The following GRIP1 variants were observed in gnomAD, a reference collection of about 807,000 sequenced individuals.
The protein encoded by GRIP1 is glutamate receptor-interacting protein 1.
In GRIP1, 45 loss-of-function variants were observed where a neutral mutation model predicts 129.9. The observed-to-expected ratio is 0.35, with a 90% CI of 0.27 to 0.44. GRIP1 has a LOEUF of 0.44. Ranked by LOEUF, GRIP1 falls within the 20% of genes least tolerant of loss-of-function variation. GRIP1 has a pLI of 1.00. For synonymous variants in GRIP1, 530 were observed against 520.8 expected (o/e 1.02, Z -0.24); for missense variants, 1,196 against 1,396.8 (o/e 0.86, Z 2.29).
chr12:66,741,184 CT>C (rs983882086), intron 1 of GRIP1, among the ~76,000 whole-genome samples: 3 of 152,084 alleles, frequency 2.0e-5, no homozygotes, highest in African/African-American at 7.2e-5. Flanking sequence ...CTCCTAAGTG[CT>C]TTTTGTATAG....
At chr12:66,509,587 T>C (rs191153456) in intron 7 of GRIP1, among the ~76,000 whole-genome samples, 1 of 152,298 alleles carries the variant, frequency 6.6e-6, no homozygotes, top group East Asian at 1.9e-4. Context: ...GAAAATGTGA[T>C]ACATATACAC....
In GRIP1 at chr12:66,960,593, T is replaced by C. The variant is rs73315218; in HGVS notation, c.58+108457A>G. 3.8e-3 allele frequency among the ~76,000 whole-genome samples: 580 copies of C among 152,160 alleles called. 5 individuals carry two copies. The highest frequency in any genetic ancestry group is 0.013 in the African/African-American group (560 of 41,510). On this transcript the variant is annotated intron_variant, in intron 1 of 1. Coordinates refer to the GRIP1 transcript ENST00000643019. The stretch of plus-strand genomic sequence containing the variant: ...ATATAGGTCATAATTAATTCAAAGA[T>C]TGTGGATGGGATTGCTTAGGGAAGG...
intron 19 of GRIP1, among the ~76,000 whole-genome samples, chr12:66,385,150 C>T (rs2056298714): frequency 6.6e-6 from 1 of 152,100 alleles, no homozygotes; most frequent in Non-Finnish European, 1.5e-5. Context: ...ATGAAATACA[C>T]ATATAATATT....
intron 1 of GRIP1, among the ~76,000 whole-genome samples, chr12:66,997,668 T>C (rs1433599740): frequency 1.3e-5 from 2 of 152,132 alleles, no homozygotes; most frequent in Admixed American, 1.3e-4. Context: ...TGGATATTGT[T>C]GACGCAGAAA....
chr12:67,069,222 G>T, upstream of GRIP1: 1 of 544,984 alleles, frequency 1.8e-6, no homozygotes, highest in Non-Finnish European at 2.3e-6. Context: ...GGGCTGTTCA[G>T]CGGGGCTGGG....
At chr12:66,542,397 A>G (rs553414570) in intron 2 of GRIP1, among the ~76,000 whole-genome samples, 3 of 152,344 alleles carry the variant, frequency 2.0e-5, no homozygotes, top group Admixed American at 6.5e-5. Flanking sequence ...TAGGAAGCCA[A>G]CTGAAAGGAG....
chr12:66,510,326 T>C (rs1390829439), intron 7 of GRIP1, among the ~76,000 whole-genome samples: 1 of 152,174 alleles, frequency 6.6e-6, no homozygotes, highest in African/African-American at 2.4e-5. Flanking sequence ...GGTTAACTAC[T>C]GGATGGTCTC....
chr12:66,714,492 T>G (rs1438527612), intron 1 of GRIP1, among the ~76,000 whole-genome samples: 1 of 152,096 alleles, frequency 6.6e-6, no homozygotes, highest in Non-Finnish European at 1.5e-5. Context: ...AGAATCTATT[T>G]AAAATAAATA....
At position 66,392,263 on chromosome 12, in the gene GRIP1, G is replaced by C. The variant is rs776280921; in HGVS notation, c.2464+45C>G. On this transcript the variant is annotated intron_variant, in intron 19 of 24. Coordinates refer to ENST00000359742, the MANE Select transcript of GRIP1 (RefSeq NM_001366722.1). ...GAGGATGAATCTTGGAGAAGCATGGGCTTCAACAATGACAAGTCCTCTGGG... is the reference window on the plus strand; with the variant it reads ...GAGGATGAATCTTGGAGAAGCATGGCCTTCAACAATGACAAGTCCTCTGGG... The C allele has an allele frequency of 2.7e-6, 3 of 1,121,074 alleles. No homozygotes were observed. In the South Asian group the frequency reaches 3.7e-5, roughly 14 times the overall value. The allele number at this position is 1,121,074 out of a possible 1,614,324, so 69.4% of individuals were successfully genotyped here. A position where few individuals can be genotyped will look rare whatever the true frequency, so the allele number is the denominator to read the frequency against.
At chr12:66,891,484 GCAC>G (rs2040657272) in intron 1 of GRIP1, among the ~76,000 whole-genome samples, 1 of 152,162 alleles carries the variant, frequency 6.6e-6, no homozygotes, top group African/African-American at 2.4e-5. Context: ...TCTGAAGGTT[GCAC>G]CAGAAGGATG....
chr12:66,723,240 C>T (rs929693442), intron 1 of GRIP1, among the ~76,000 whole-genome samples: 74 of 4,824 alleles, frequency 0.015, 3 homozygotes, highest in Middle Eastern at 0.11. Flanking sequence ...CTCTCTCTCT[C>T]TTCCTTCCTT....
chr12:67,069,083 G>A (rs2043689529), exon 1 of GRIP1: 1 of 984,668 alleles, frequency 1.0e-6, no homozygotes. Flanking sequence ...AAGCAGATAG[G>A]GATATTCTTC....
chr12:66,702,410 T>G (rs1027274456), intron 1 of GRIP1, among the ~76,000 whole-genome samples: 1 of 152,194 alleles, frequency 6.6e-6, no homozygotes, highest in African/African-American at 2.4e-5. Context: ...TTGACAGTTT[T>G]CAGTCAGTTT....
intron 7 of GRIP1, among the ~76,000 whole-genome samples, chr12:66,475,817 G>A (rs1333335238): frequency 1.3e-5 from 2 of 152,118 alleles, no homozygotes; most frequent in Admixed American, 1.3e-4. Flanking sequence ...TCTCTGGGAT[G>A]CATTTAAAGC....
Position 67,029,925 on chromosome 12 carries a change from C to T in GRIP1, c.58+39125G>A, listed in dbSNP as rs139989098. Among the ~76,000 whole-genome samples, 1,249 of 151,712 alleles carry T rather than the reference C, an allele frequency of 8.2e-3. 18 individuals carry two copies. The highest frequency in any genetic ancestry group is 0.029 in the African/African-American group (1,184 of 41,354). On this transcript the variant is annotated intron_variant, in intron 1 of 1. Coordinates refer to the GRIP1 transcript ENST00000643019. ...ATAATATTAAAAAAAATCGGCCTGG[C>T]GCGGTGGCTCACGCCTGTAATCCCA...
In GRIP1 at chr12:66,542,656, T is replaced by C. The variant is rs536697689; in HGVS notation, c.137-706A>G. On this transcript the variant is annotated intron_variant, in intron 2 of 24. Coordinates refer to ENST00000359742, the MANE Select transcript of GRIP1 (RefSeq NM_001366722.1). ...TCTATATAGCAAGATAGAACTCAACTCTTTTGATTTTAGTCAGAGCAGAAG... is the reference window on the plus strand; with the variant it reads ...TCTATATAGCAAGATAGAACTCAACCCTTTTGATTTTAGTCAGAGCAGAAG... Among the ~76,000 whole-genome samples the C allele has an allele frequency of 3.5e-4, 53 of 152,312 alleles. 1 individual carries two copies. The highest frequency in any genetic ancestry group is 4.1e-4 in the South Asian group (2 of 4,822).
intron 1 of GRIP1, among the ~76,000 whole-genome samples, chr12:66,876,968 T>C (rs1476036928): frequency 2.6e-5 from 4 of 152,080 alleles, no homozygotes; most frequent in African/African-American, 9.7e-5. Flanking sequence ...AAGTATTTTT[T>C]TGTTTTGTGC....
At chr12:66,620,784 T>TC (rs1263378608) in intron 1 of GRIP1, among the ~76,000 whole-genome samples, 3 of 144,176 alleles carry the variant, frequency 2.1e-5, no homozygotes, top group Non-Finnish European at 4.6e-5. Context: ...CCCCAACCCC[T>TC]CCCCCCCAGA....
At chr12:66,436,025 T>G (rs1286737702) in intron 13 of GRIP1, among the ~76,000 whole-genome samples, 1 of 152,216 alleles carries the variant, frequency 6.6e-6, no homozygotes, top group African/African-American at 2.4e-5. Context: ...GGTCCAATAT[T>G]TGGAAAAACA....
Sources: gnomAD v4.1 joint callset for allele counts (sites outside exome capture counted in the v4.1 genomes callset) on GRCh38, gnomAD v4.1.1 for gene constraint, MANE v1.5 for transcripts, NCBI Gene and HGNC (gene_info 2026-07-23, HGNC 2026-07-21) for gene names.